The following OXR1 variants were observed in gnomAD, a reference collection of about 807,000 sequenced individuals.
OXR1 encodes the protein oxidation resistance protein 1.
Under a neutral mutation model 104.6 loss-of-function variants are expected in OXR1, and 41 were observed. That is an observed-to-expected ratio of 0.39 (90% confidence interval 0.31 to 0.51). The LOEUF is 0.51. Among genes scored for constraint, OXR1 ranks in the 20% least tolerant of loss-of-function variants. The pLI is 0.77. For missense variants in OXR1, 955 were observed against 1,031.9 expected (o/e 0.93, Z 1.02); for synonymous variants, 348 against 348.4 (o/e 1.00, Z 0.01).
At chr8:106,298,230 T>G (rs1337292285) in intron 1 of OXR1, among the ~76,000 whole-genome samples, 1 of 152,074 alleles carries the variant, frequency 6.6e-6, no homozygotes, top group Non-Finnish European at 1.5e-5. Flanking sequence ...GGGTAATTTA[T>G]AAAGAAAAAG....
chr8:106,535,631 C>T (rs756374151), intron 3 of OXR1, among the ~76,000 whole-genome samples: 3 of 152,118 alleles, frequency 2.0e-5, no homozygotes, highest in Non-Finnish European at 4.4e-5. Flanking sequence ...CCTGTAGCAA[C>T]ATGAAATTTA....
chr8:106,739,390 A>T, intron 12 of OXR1, 68 bp from the exon 13 acceptor site: 1 of 1,403,342 alleles, frequency 7.1e-7, no homozygotes, highest in Non-Finnish European at 9.9e-7. Context: ...ATTTATCTGA[A>T]AAGTCTGACA....
At chr8:106,513,769 G>A (rs1020410793) in intron 2 of OXR1, among the ~76,000 whole-genome samples, 3 of 152,128 alleles carry the variant, frequency 2.0e-5, no homozygotes, top group Admixed American at 6.6e-5. Flanking sequence ...TTTATAGAGA[G>A]CTTCCTGTGT....
intron 3 of OXR1, among the ~76,000 whole-genome samples, chr8:106,554,773 A>G (rs1269069915): frequency 6.6e-6 from 1 of 152,150 alleles, no homozygotes; most frequent in Non-Finnish European, 1.5e-5. Flanking sequence ...ATGTTAGTTG[A>G]CCTTGGTTGT....
rs1563726115 is a variant in OXR1 at position 106,339,522 on chromosome 8, ATATATATATAT to A, written c.-138-19953_-138-19943del. ...AAAAAAAAAAAAAAAAAAAAAAAATATATATATATATATATATATATATATATATATATAAA... is the reference window on the plus strand; with the variant it reads ...AAAAAAAAAAAAAAAAAAAAAAAATAATATATATATATATATATATATAAA... On this transcript the variant is annotated intron_variant, in intron 1 of 16. Transcript: ENST00000517566. Among the ~76,000 whole-genome samples the A allele has an allele frequency of 4.3e-3, 82 of 19,270 alleles. 2 individuals are homozygous for A. The highest frequency in any genetic ancestry group is 0.016 in the African/African-American group (71 of 4,462). 12.6% of individuals were successfully genotyped at this position (19,270 alleles called of 152,430 possible).
At position 106,529,480 on chromosome 8, in the gene OXR1, T is replaced by C. The variant is rs191915461; in HGVS notation, c.220+10341T>C. ...CATTTATGTAATTTTAACTAAAATTTACCAAGGAACCGGAGGTATTCTCAG... is the reference window on the plus strand; with the variant it reads ...CATTTATGTAATTTTAACTAAAATTCACCAAGGAACCGGAGGTATTCTCAG... On this transcript the variant is annotated intron_variant, in intron 3 of 16. Transcript: ENST00000517566. Among the ~76,000 whole-genome samples the C allele has an allele frequency of 4.0e-4, 61 of 152,326 alleles. No individual in the cohort carries two copies. In the East Asian group the frequency reaches 0.011, roughly 28 times the overall value.
intron 3 of OXR1, among the ~76,000 whole-genome samples, chr8:106,645,018 G>A (rs1026930523): frequency 3.3e-5 from 5 of 151,972 alleles, no homozygotes; most frequent in African/African-American, 1.2e-4. Context: ...TTAGATTGGC[G>A]GATTTAAGAT....
intron 2 of OXR1, among the ~76,000 whole-genome samples, chr8:106,480,130 TC>T (rs1817944737): frequency 6.6e-6 from 1 of 152,008 alleles, no homozygotes; most frequent in African/African-American, 2.4e-5. Context: ...GATTACTTTT[TC>T]ATTAATCCTC....
intron 3 of OXR1, among the ~76,000 whole-genome samples, chr8:106,671,044 CAAAAA>C (rs60404483): frequency 2.0e-5 from 1 of 48,926 alleles, no homozygotes; most frequent in African/African-American, 1.2e-4. Flanking sequence ...GACTCTGTCT[CAAAAA>C]AAAAAAAAAA....
At chr8:106,692,653 T>C (rs1306151705) in intron 6 of OXR1, 75 bp from the exon 7 acceptor site, 1 of 855,118 alleles carries the variant, frequency 1.2e-6, no homozygotes, top group Non-Finnish European at 1.7e-6. Flanking sequence ...GCTATTCATT[T>C]GACTTTTTAA....
intron 2 of OXR1, among the ~76,000 whole-genome samples, chr8:106,412,051 G>A (rs141492154): frequency 1.3e-5 from 2 of 152,220 alleles, no homozygotes; most frequent in African/African-American, 2.4e-5. Context: ...AAGATTAAAT[G>A]TGAAAGTTCT....
chr8:106,358,846 G>A (rs560430384), intron 1 of OXR1, among the ~76,000 whole-genome samples: 1 of 150,820 alleles, frequency 6.6e-6, no homozygotes, highest in South Asian at 2.1e-4. Context: ...AAATAATTTA[G>A]TGAATAATTT....
At chr8:106,657,695 G>T (rs1168243869) in intron 3 of OXR1, 6 of 370,372 alleles carry the variant, frequency 1.6e-5, no homozygotes, top group Admixed American at 1.1e-4. Context: ...GTTCCAGGAA[G>T]AATACACCTA....
intron 3 of OXR1, among the ~76,000 whole-genome samples, chr8:106,620,744 CA>C (rs1821633979): frequency 6.6e-6 from 1 of 152,148 alleles, no homozygotes; most frequent in Non-Finnish European, 1.5e-5. Flanking sequence ...CCCAGAGCTT[CA>C]AATTACACAT....
chr8:106,732,572 C>A (rs185005633), intron 11 of OXR1, among the ~76,000 whole-genome samples: 44 of 152,142 alleles, frequency 2.9e-4, no homozygotes, highest in African/African-American at 1.1e-3. Flanking sequence ...TTATTCCTAA[C>A]TTCCTGAGCA....
At chr8:106,636,232 TG>T (rs1359568394) in intron 3 of OXR1, among the ~76,000 whole-genome samples, 1 of 152,214 alleles carries the variant, frequency 6.6e-6, no homozygotes, top group Non-Finnish European at 1.5e-5. Context: ...CACTTTAAGC[TG>T]GTATGTGTTT....
At chr8:106,293,171 A>G (rs1812827969) in intron 1 of OXR1, among the ~76,000 whole-genome samples, 1 of 152,234 alleles carries the variant, frequency 6.6e-6, no homozygotes, top group African/African-American at 2.4e-5. Context: ...ATGCTACAGA[A>G]AATATTCATC....
At chr8:106,447,901 T>A in intron 2 of OXR1, 1 of 1,509,278 alleles carries the variant, frequency 6.6e-7, no homozygotes, top group Non-Finnish European at 8.8e-7. Flanking sequence ...GCCGGGCTCC[T>A]GGCGGAGGTA....
intron 2 of OXR1, among the ~76,000 whole-genome samples, chr8:106,396,083 A>T (rs1817768041): frequency 1.1e-5 from 1 of 89,546 alleles, no homozygotes; most frequent in Non-Finnish European, 2.6e-5. Flanking sequence ...AAATACATAC[A>T]TACATACATA....
Sources: allele counts gnomAD v4.1 joint callset (sites outside exome capture counted in the v4.1 genomes callset), GRCh38; gene constraint gnomAD v4.1.1; transcripts MANE v1.5; gene names NCBI Gene and HGNC (gene_info 2026-07-23, HGNC 2026-07-21).